Variants in DCDC1 observed in about 807,000 individuals in gnomAD.
DCDC1 encodes doublecortin domain-containing protein 1.
A neutral mutation model predicts 178.3 loss-of-function variants in DCDC1; 200 were observed. The ratio of observed to expected loss-of-function variants is 1.12; its 90% confidence interval spans 1.00 to 1.26. DCDC1 has a LOEUF of 1.26. DCDC1 is among the 50% of genes most tolerant of loss of function. DCDC1 has a pLI of 0.00. For synonymous variants in DCDC1, 690 were observed against 604.8 expected, an observed-to-expected ratio of 1.14 and a Z score of -2.07; for missense variants, 1,983 against 1,749.2, an observed-to-expected ratio of 1.13 and a Z score of -2.38.
At chr11:31,294,770 AAG>A (rs1452752458) in intron 6 of DCDC1, among the ~76,000 whole-genome samples, 1 of 149,880 alleles carries the variant, frequency 6.7e-6, no homozygotes, top group Admixed American at 6.7e-5. Context: ...TAGAAAGAGA[AAG>A]AAAGAGAAAG....
chr11:31,148,225 A>AAAAAAAC, intron 9 of DCDC1, among the ~76,000 whole-genome samples: 1 of 150,268 alleles, frequency 6.7e-6, no homozygotes, highest in African/African-American at 2.5e-5. Context: ...AAAAAAAAAA[A>AAAAAAAC]AAAAAAAAAC....
intron 36 of DCDC1, among the ~76,000 whole-genome samples, chr11:30,883,706 A>G (rs1442446002): frequency 2.0e-5 from 3 of 152,188 alleles, no homozygotes; most frequent in Non-Finnish European, 4.4e-5. Flanking sequence ...AGATTTTAAT[A>G]TAAGAATTCT....
chr11:31,031,742 T>C (rs1466405915), intron 20 of DCDC1, among the ~76,000 whole-genome samples: 2 of 152,122 alleles, frequency 1.3e-5, no homozygotes, highest in African/African-American at 4.8e-5. Context: ...TCTTATGAAA[T>C]GAAAAAGAAA....
intron 9 of DCDC1, among the ~76,000 whole-genome samples, chr11:31,217,354 T>A (rs1175821691): frequency 6.6e-6 from 1 of 152,216 alleles, no homozygotes; most frequent in Non-Finnish European, 1.5e-5. Flanking sequence ...GTCAATTTTT[T>A]AAAAAACTAA....
intron 2 of DCDC1, 100 bp downstream of exon 2, chr11:31,335,347 C>G (rs1356357383): frequency 6.6e-6 from 1 of 152,280 alleles, no homozygotes; most frequent in East Asian, 1.9e-4. Context: ...CCCCCGACCC[C>G]TTGCACTTCC....
intron 1 of DCDC1, among the ~76,000 whole-genome samples, chr11:31,358,771 A>G (rs1270455457): frequency 1.3e-5 from 2 of 152,168 alleles, no homozygotes; most frequent in Non-Finnish European, 2.9e-5. Context: ...AAAAGTGGGC[A>G]AAGGATATGA....
intron 20 of DCDC1, among the ~76,000 whole-genome samples, chr11:31,026,972 T>C (rs1953286018): frequency 6.6e-6 from 1 of 151,780 alleles, no homozygotes; most frequent in Non-Finnish European, 1.5e-5. Context: ...TATTTAACTA[T>C]TGTTTATATC....
chr11:31,334,359 G>A (rs533377033), intron 2 of DCDC1, among the ~76,000 whole-genome samples: 25 of 152,228 alleles, frequency 1.6e-4, no homozygotes, highest in Admixed American at 3.3e-4. Flanking sequence ...TGTTATTACC[G>A]ACCTTCTGAA....
rs1332442570 is a variant in DCDC1 at position 31,103,694 on chromosome 11, T to C, written c.1827A>G (p.Ala609=). ...SAFARGDIMV[A]YKTFLDPNAV... ...CATTAGGATCCAAAAAGGTCTTATA[T>C]GCAACCATGATATCACCTCTGGCAA... is the stretch of plus-strand genomic sequence containing the variant. Residue 609 remains alanine, a synonymous_variant, in exon 14 of 39, where the codon GCA becomes GCG. Coordinates refer to ENST00000684477, the MANE Select transcript of DCDC1 (RefSeq NM_001387274.1). The C allele has an allele frequency of 1.3e-6, 1 of 765,802 alleles. No individual in the cohort carries two copies. Among genetic ancestry groups the C allele is most frequent in the East Asian group, 2.4e-5 (1 of 41,142 alleles). The allele number at this position is 765,802 out of a possible 1,614,324, so 47.4% of individuals were successfully genotyped here. A position where few individuals can be genotyped will look rare whatever the true frequency, so the allele number is the denominator to read the frequency against.
At chr11:31,062,322 C>T (rs1955976991) in intron 20 of DCDC1, among the ~76,000 whole-genome samples, 1 of 152,062 alleles carries the variant, frequency 6.6e-6, no homozygotes, top group African/African-American at 2.4e-5. Flanking sequence ...AGCGGTATTA[C>T]GAGTTCTCAA....
At chr11:30,975,782 C>T (rs529854597) in intron 20 of DCDC1, among the ~76,000 whole-genome samples, 81 of 152,096 alleles carry the variant, frequency 5.3e-4, no homozygotes, top group Non-Finnish European at 3.2e-4. Context: ...AATTACCATA[C>T]AGCCAAAAGC....
At chr11:31,240,124 C>T (rs550602402) in intron 9 of DCDC1, among the ~76,000 whole-genome samples, 85 of 151,868 alleles carry the variant, frequency 5.6e-4, no homozygotes, top group African/African-American at 2.0e-3. Flanking sequence ...TGGAATCAAA[C>T]CACATTAATT....
intron 10 of DCDC1, among the ~76,000 whole-genome samples, chr11:31,135,829 C>T (rs1417268588): frequency 6.6e-6 from 1 of 152,038 alleles, no homozygotes; most frequent in Non-Finnish European, 1.5e-5. Context: ...ACCAAATAAG[C>T]ATAATTGCCA....
At chr11:31,211,273 A>G (rs571848752) in intron 9 of DCDC1, among the ~76,000 whole-genome samples, 3 of 152,366 alleles carry the variant, frequency 2.0e-5, no homozygotes, top group East Asian at 3.9e-4. Flanking sequence ...GATAAAGCAT[A>G]TATGATGTCT....
chr11:31,337,268 A>C (rs1042747579), intron 1 of DCDC1, among the ~76,000 whole-genome samples: 7 of 152,232 alleles, frequency 4.6e-5, no homozygotes, highest in Non-Finnish European at 8.8e-5. Flanking sequence ...TGAAGAATTC[A>C]ACTGTTTGTG....
intron 9 of DCDC1, among the ~76,000 whole-genome samples, chr11:31,148,702 C>CA (rs397972383): frequency 0.28 from 39,060 of 141,400 alleles, 5,228 homozygotes; most frequent in African/African-American, 0.33. Context: ...GACTCCGTCT[C>CA]AAAAAAAAAA....
chr11:31,070,368 G>A (rs1324361767), intron 18 of DCDC1, among the ~76,000 whole-genome samples: 1 of 152,006 alleles, frequency 6.6e-6, no homozygotes, highest in Non-Finnish European at 1.5e-5. Flanking sequence ...ACCCTAAACG[G>A]ACCTCTAATA....
At chr11:31,257,110 G>T (rs1262175855) in intron 8 of DCDC1, among the ~76,000 whole-genome samples, 1 of 152,164 alleles carries the variant, frequency 6.6e-6, no homozygotes, top group Non-Finnish European at 1.5e-5. Context: ...CGCTTTCAAG[G>T]ATAACGGCAA....
chr11:30,979,530 G>A (rs1217465885), intron 20 of DCDC1, among the ~76,000 whole-genome samples: 1 of 152,102 alleles, frequency 6.6e-6, no homozygotes, highest in African/African-American at 2.4e-5. Context: ...GGTGAGTAGG[G>A]AACACTTTCA....
Sources: allele counts gnomAD v4.1 joint callset (sites outside exome capture counted in the v4.1 genomes callset), GRCh38; gene constraint gnomAD v4.1.1; transcripts MANE v1.5; gene names NCBI Gene and HGNC (gene_info 2026-07-23, HGNC 2026-07-21).